MYH6: variants seen among roughly 807,000 people sequenced by gnomAD.
MYH6 encodes myosin-6.
Under a neutral mutation model 223.2 loss-of-function variants are expected in MYH6, and 126 were observed. The ratio of observed to expected loss-of-function variants is 0.56; its 90% CI spans 0.49 to 0.65. The LOEUF (loss-of-function observed/expected upper bound fraction) is 0.65, where lower values mean the gene tolerates loss of function less well. Ranked by LOEUF, MYH6 falls within the 30% of genes least tolerant of loss-of-function variation. MYH6 has a pLI of 0.00. For synonymous variants in MYH6, 978 were observed against 1,010.2 expected, an observed-to-expected ratio of 0.97 and a Z score of 0.61; for missense variants, 2,040 against 2,536.4, an observed-to-expected ratio of 0.80 and a Z score of 4.20.
In MYH6 at chr14:23,390,341, C is replaced by T. The variant is rs760399050; in HGVS notation, c.3448G>A (p.Glu1150Lys). Residue 1150 changes from glutamate to lysine, a missense_variant, in exon 26 of 39, where the codon GAG becomes AAG. Transcript: ENST00000405093. ...DLSRELEEISERLEEAGGATS... is the reference protein window; with the variant it reads ...DLSRELEEISKRLEEAGGATS... ...GCCCCGCCGGCCTCTTCCAGCCGCT[C>T]GCTGATCTCCTCCAGCTCCCGAGAC... The T allele has an allele frequency of 8.7e-6, 14 of 1,608,350 alleles. No individual in the cohort carries two copies. In the East Asian group the frequency reaches 1.6e-4, roughly 18 times the overall value.
intron 37 of MYH6, 115 bp from the exon 38 acceptor site, chr14:23,382,677 T>C (rs1268569617): frequency 2.8e-5 from 41 of 1,461,244 alleles, no homozygotes; most frequent in Non-Finnish European, 3.8e-5. Context: ...CTCATGCATA[T>C]TCCTGCAACA....
chr14:23,402,289 G>A (rs1228337024), intron 12 of MYH6, among the ~76,000 whole-genome samples, 175 bp downstream of exon 12: 1 of 152,078 alleles, frequency 6.6e-6, no homozygotes, highest in African/African-American at 2.4e-5. Context: ...TGGGGTTGAG[G>A]AGTTGGGATT....
chr14:23,403,017 C>T (rs1891656904), intron 10 of MYH6, among the ~76,000 whole-genome samples: 1 of 151,576 alleles, frequency 6.6e-6, no homozygotes. Context: ...CTGGCAGGGG[C>T]TCCAGTAACA....
Position 23,407,793 on chromosome 14 carries a change from G to A in MYH6, c.-46-185C>T, listed in dbSNP as rs374003197. On this transcript the variant is annotated intron_variant, in intron 1 of 38. Coordinates refer to ENST00000405093, the MANE Select transcript of MYH6 (RefSeq NM_002471.4). This position sits in a 1 kb window ranked among gnomAD's most constrained non-coding sequence, Gnocchi z 5.6. ...GCAGAGGCAGAAAAGAAAGGGCACC[G>A]AGTCAATATGAGTGCGAGGGACGGG... Among the ~76,000 whole-genome samples, 5 of 152,178 alleles carry A rather than the reference G, an allele frequency of 3.3e-5. No homozygotes were observed. In the East Asian group the frequency reaches 5.8e-4, roughly 18 times the overall value.
chr14:23,403,361 C>T lies in MYH6; in HGVS notation c.885G>A (p.Lys295=), dbSNP rs147220875. Residue 295 remains lysine (K), a synonymous_variant, in exon 10 of 39, where the codon AAG becomes AAA. Transcript: ENST00000405093. ...AGGCAGGTTCACCCAGCAACTCCGGCTTCTTGTTGGACAGAATCTGGTAGA... is the reference window on the plus strand; with the variant it reads ...AGGCAGGTTCACCCAGCAACTCCGGTTTCTTGTTGGACAGAATCTGGTAGA... ...HIFYQILSNK[K]PELLDMLLVT... 1 of 1,614,042 alleles carries T rather than the reference C, an allele frequency of 6.2e-7. No individual in the cohort carries two copies. Among genetic ancestry groups the T allele is most frequent in the African/African-American group, 1.3e-5 (1 of 75,008 alleles).
chr14:23,403,439 C>T lies in MYH6; in HGVS notation c.807G>A (p.Leu269=). Residue 269 remains leucine (L), a synonymous_variant, in exon 10 of 39, where the codon CTG becomes CTA. Coordinates refer to ENST00000405093, the MANE Select transcript of MYH6 (RefSeq NM_002471.4). ...GCTGGAAGATCACCCGGGACTTCTC[C>T]AGCAGGTCTGAGGTGGGTGGAGGGG... ...LASADIETYL[L]EKSRVIFQLK... The T allele has an allele frequency of 3.7e-6, 6 of 1,613,876 alleles. No individual in the cohort carries two copies. Among genetic ancestry groups the T allele is most frequent in the Non-Finnish European group, 5.1e-6 (6 of 1,179,868 alleles).
At chr14:23,388,493 G>A (rs554445154) in intron 29 of MYH6, 155 bp from the exon 30 acceptor site, 82 of 1,248,836 alleles carry the variant, frequency 6.6e-5, no homozygotes, top group South Asian at 6.4e-4. Flanking sequence ...AACAGAGTCC[G>A]CCAGCACGGG....
In MYH6 at chr14:23,388,138, C is replaced by T; in HGVS notation, c.4359+17G>A. 1 of 1,612,226 alleles carries T rather than the reference C, an allele frequency of 6.2e-7. No individual in the cohort carries two copies. On this transcript the variant is annotated intron_variant, in intron 30 of 38. Coordinates refer to ENST00000405093, the MANE Select transcript of MYH6 (RefSeq NM_002471.4). ...CCTTGCCCTGCATGCTGGCTGCGGC[C>T]CCCGCCCATGGTCCACCTTGTCAAA...
At chr14:23,397,930 T>C (rs1472748175) in intron 15 of MYH6, among the ~76,000 whole-genome samples, 1 of 131,564 alleles carries the variant, frequency 7.6e-6, no homozygotes, top group African/African-American at 3.3e-5. Flanking sequence ...CTCCTCCTCC[T>C]CCTCTTCTTC....
chr14:23,382,286 G>T, intron 38 of MYH6, 142 bp downstream of exon 38: 4 of 1,333,272 alleles, frequency 3.0e-6, no homozygotes, highest in South Asian at 1.2e-5. Context: ...TTGAGCAGGA[G>T]AGTGGATTCT....
intron 34 of MYH6, among the ~76,000 whole-genome samples, chr14:23,385,481 C>T (rs945217590): frequency 2.0e-5 from 3 of 150,036 alleles, no homozygotes; most frequent in African/African-American, 7.4e-5. Context: ...CAAAACTCCA[C>T]AGGGCACTGC....
At chr14:23,404,641 G>A in intron 7 of MYH6, 70 bp downstream of exon 7, 1 of 1,435,922 alleles carries the variant, frequency 7.0e-7, no homozygotes, top group Non-Finnish European at 9.8e-7. Context: ...AGGGAGGGGA[G>A]GGTTAGGGGT....
In MYH6 at chr14:23,401,096, T is replaced by C; in HGVS notation, c.1142-119A>G. On this transcript the variant is annotated intron_variant, in intron 12 of 38. Coordinates refer to ENST00000405093, the MANE Select transcript of MYH6 (RefSeq NM_002471.4). ...ATCTTGGCTCACTACAGCCTCCACC[T>C]CCTGGGTTCAAGTGATTTTCCTGCC... The C allele has an allele frequency of 2.7e-6, 4 of 1,485,620 alleles. No homozygotes were observed. The South Asian group carries it at 4.9e-5, about 18-fold the overall frequency. 92.0% of individuals were successfully genotyped at this position (1,485,620 alleles called of 1,614,324 possible).
Position 23,392,911 on chromosome 14 carries a change from C to T in MYH6, c.3251+1G>A. ...CCCTCCTGGCCACCACAGTCTCCTA[C>T]TTCTTAAGCTTTTCTTCCAGCTGCA... On this transcript the variant is annotated splice_donor_variant, in intron 24 of 38. Coordinates refer to ENST00000405093, the MANE Select transcript of MYH6 (RefSeq NM_002471.4). LOFTEE classifies it high-confidence loss of function. 1 of 1,613,628 alleles carries T rather than the reference C, an allele frequency of 6.2e-7. No individual in the cohort carries two copies. Among genetic ancestry groups the T allele is most frequent in the Non-Finnish European group, 8.5e-7 (1 of 1,180,036 alleles).
chr14:23,387,448 G>T, intron 32 of MYH6, 81 bp downstream of exon 32: 2 of 1,598,794 alleles, frequency 1.3e-6, no homozygotes, highest in Non-Finnish European at 1.7e-6. Flanking sequence ...TTGTCCTGGG[G>T]TCAGGGTCAC....
intron 20 of MYH6, among the ~76,000 whole-genome samples, chr14:23,395,966 T>G (rs112488127): frequency 4.3e-4 from 65 of 152,334 alleles, no homozygotes; most frequent in African/African-American, 1.4e-3. Flanking sequence ...AAATTATTTT[T>G]CCTTTCATTT....
Position 23,400,283 on chromosome 14 carries a change from C to A in MYH6, c.1554G>T (p.Leu518=). The part of the protein sequence containing the change: ...EWTFIDFGMD[L]QACIDLIEKP... ...TCTCGATGAGGTCAATGCAGGCCTG[C>A]AGGTCCATGCCAAAGTCAATGAATG... The change falls in exon 14 of 39, where the codon CTG becomes CTT. Residue 518 remains leucine (L), a synonymous_variant. Transcript: ENST00000405093. The A allele has an allele frequency of 2.5e-6, 4 of 1,614,204 alleles. No individual in the cohort carries two copies. The highest frequency in any genetic ancestry group is 3.4e-6 in the Non-Finnish European group (4 of 1,180,036).
chr14:23,389,813 A>G, intron 26 of MYH6, 94 bp from the exon 27 acceptor site: 1 of 1,600,478 alleles, frequency 6.2e-7, no homozygotes. Context: ...GCCAGAGGGC[A>G]GGAGGGGGAC....
In MYH6 at chr14:23,386,420, C is replaced by T. The variant is rs766153681; in HGVS notation, c.4854G>A (p.Lys1618=). Residue 1618 remains lysine, a synonymous_variant, in exon 33 of 39, where the codon AAG becomes AAA. Coordinates refer to ENST00000405093, the MANE Select transcript of MYH6 (RefSeq NM_002471.4). The part of the protein sequence containing the change: ...RSRNEVLRVK[K]KMEGDLNEME... ...TCTCATTGAGGTCTCCTTCCATCTT[C>T]TTCTTCACCCTCAGGACCTCGTTGC... is the stretch of plus-strand genomic sequence containing the variant. 2.7e-5 allele frequency: 43 copies of T among 1,614,098 alleles called. 1 individual carries two copies. Among genetic ancestry groups the T allele is most frequent in the Non-Finnish European group, 2.6e-5 (31 of 1,180,038 alleles).
Sources: gnomAD v4.1 joint callset for allele counts (sites outside exome capture counted in the v4.1 genomes callset) on GRCh38, gnomAD v4.1.1 for gene constraint, Gnocchi (gnomAD v3.1) non-coding constraint, MANE v1.5 for transcripts, NCBI Gene and HGNC (gene_info 2026-07-23, HGNC 2026-07-21) for gene names.